Variants in ZBTB46 observed in about 807,000 individuals in gnomAD.
The protein encoded by ZBTB46 is zinc finger and BTB domain containing 46.
In ZBTB46, 8 loss-of-function variants were observed where a neutral mutation model predicts 44.1. The ratio of observed to expected loss-of-function variants is 0.18; its 90% CI spans 0.11 to 0.33. The LOEUF (loss-of-function observed/expected upper bound fraction) is 0.33, where lower values mean the gene tolerates loss of function less well. ZBTB46 is among the 10% of genes least tolerant of loss of function. The probability of loss-of-function intolerance (pLI) is 1.00; values close to 1 mark genes in which losing one functional copy is unlikely to be tolerated. For missense variants in ZBTB46, 651 were observed against 847.7 expected, an observed-to-expected ratio of 0.77 and a Z score of 2.88; for synonymous variants, 409 against 382.3, an observed-to-expected ratio of 1.07 and a Z score of -0.81.
intron 1 of ZBTB46, among the ~76,000 whole-genome samples, chr20:63,800,931 G>A (rs901103274): frequency 1.3e-5 from 2 of 152,230 alleles, no homozygotes; most frequent in African/African-American, 2.4e-5. Flanking sequence ...CACAGAGCGG[G>A]ACTGGCAGGC....
intron 3 of ZBTB46, among the ~76,000 whole-genome samples, 170 bp from the exon 4 acceptor site, chr20:63,753,031 A>C (rs375270974): frequency 1.3e-5 from 2 of 152,306 alleles, no homozygotes; most frequent in Admixed American, 6.5e-5. Flanking sequence ...CACCATCTGC[A>C]TAAATTGTCC....
intron 1 of ZBTB46, chr20:63,815,167 A>G: frequency 8.5e-6 from 2 of 236,580 alleles, no homozygotes; most frequent in East Asian, 1.4e-4. Context: ...AGCTGAAGGC[A>G]CAGGTGCAGT....
At chr20:63,774,976 T>G (rs1325998689) in intron 3 of ZBTB46, among the ~76,000 whole-genome samples, 2 of 152,178 alleles carry the variant, frequency 1.3e-5, no homozygotes, top group Admixed American at 6.5e-5. Flanking sequence ...GTGCTGGGAT[T>G]GCAGGCGTGA....
chr20:63,823,948 C>T (rs770666774), intron 1 of ZBTB46, among the ~76,000 whole-genome samples: 3 of 151,356 alleles, frequency 2.0e-5, no homozygotes, highest in Non-Finnish European at 4.4e-5. Flanking sequence ...TGAATGGGCT[C>T]CCCACAGGAC....
intron 3 of ZBTB46, among the ~76,000 whole-genome samples, chr20:63,766,695 C>T (rs1011759937): frequency 6.6e-6 from 1 of 152,206 alleles, no homozygotes; most frequent in East Asian, 1.9e-4. Context: ...TGGTAAAATG[C>T]CCCAAACCTC....
intron 4 of ZBTB46, among the ~76,000 whole-genome samples, chr20:63,750,893 C>T (rs2092154016): frequency 6.6e-6 from 1 of 151,784 alleles, no homozygotes; most frequent in Non-Finnish European, 1.5e-5. Context: ...CACAGTGAAA[C>T]CCTGTCTCAA....
intron 1 of ZBTB46, among the ~76,000 whole-genome samples, chr20:63,830,368 G>C (rs939044306): frequency 1.3e-5 from 2 of 151,734 alleles, no homozygotes; most frequent in Non-Finnish European, 2.9e-5. Flanking sequence ...GGCTCGCAGC[G>C]GACCCCGCTT....
At chr20:63,821,533 A>C (rs374741337) in intron 1 of ZBTB46, among the ~76,000 whole-genome samples, 1 of 149,490 alleles carries the variant, frequency 6.7e-6, no homozygotes, top group East Asian at 2.0e-4. Flanking sequence ...TCCACCTCCC[A>C]GGTTCAAGTG....
At chr20:63,751,539 C>T (rs1427988210) in intron 4 of ZBTB46, among the ~76,000 whole-genome samples, 1 of 152,102 alleles carries the variant, frequency 6.6e-6, no homozygotes, top group African/African-American at 2.4e-5. Flanking sequence ...CCACAGGGGT[C>T]GTTACCCCAA....
Position 63,790,476 on chromosome 20 carries a change from G to A in ZBTB46, c.282C>T (p.His94=). 1 of 1,613,528 alleles carries A rather than the reference G, an allele frequency of 6.2e-7. No individual in the cohort carries two copies. The highest frequency in any genetic ancestry group is 8.5e-7 in the Non-Finnish European group (1 of 1,179,998). ...TGACGTTCCTGCTGGTGAGCGCCAG[G>A]TGCGCTGAGTACATGAAGTCGATGA... ...KAIIDFMYSA[H]LALTSRNVIE... The change falls in exon 2 of 5, where the codon CAC becomes CAT. Residue 94 remains histidine (H), a synonymous_variant. Transcript: ENST00000245663.
chr20:63,765,761 G>C (rs1293450237), intron 3 of ZBTB46, among the ~76,000 whole-genome samples: 1 of 152,342 alleles, frequency 6.6e-6, no homozygotes, highest in Non-Finnish European at 1.5e-5. Flanking sequence ...TGTAGTTTCA[G>C]GGGAAAGAAT....
At chr20:63,831,611 G>A (rs1358210676), upstream of ZBTB46, among the ~76,000 whole-genome samples, 3 of 148,650 alleles carry the variant, frequency 2.0e-5, no homozygotes, top group Non-Finnish European at 4.5e-5. Context: ...GCGGCGCGGG[G>A]GTCCCCCTGG....
intron 2 of ZBTB46, among the ~76,000 whole-genome samples, chr20:63,780,629 C>A (rs1470957147): frequency 8.6e-5 from 13 of 151,696 alleles, no homozygotes; most frequent in Non-Finnish European, 1.8e-4. Flanking sequence ...GGTGAAACCC[C>A]GTCTCTACTA....
At chr20:63,758,730 A>G (rs1219717801) in intron 3 of ZBTB46, among the ~76,000 whole-genome samples, 1 of 99,520 alleles carries the variant, frequency 1.0e-5, no homozygotes. Flanking sequence ...AAGGAGAGTC[A>G]CATCTTTTTT....
At chr20:63,766,237 G>T (rs528091932) in intron 3 of ZBTB46, among the ~76,000 whole-genome samples, 75 of 108,498 alleles carry the variant, frequency 6.9e-4, no homozygotes, top group African/African-American at 2.7e-3. Flanking sequence ...TTTTTTGAGA[G>T]GGAGTTTCGC....
intron 3 of ZBTB46, among the ~76,000 whole-genome samples, chr20:63,765,500 C>T (rs373329097): frequency 1.3e-5 from 2 of 152,374 alleles, no homozygotes; most frequent in East Asian, 3.9e-4. Flanking sequence ...GTAATCATGG[C>T]TCACTGCAGC....
chr20:63,765,425 T>G (rs1000277065), intron 3 of ZBTB46, among the ~76,000 whole-genome samples: 1 of 152,136 alleles, frequency 6.6e-6, no homozygotes, highest in African/African-American at 2.4e-5. Flanking sequence ...GTAGGTTATG[T>G]GTGGGCGTTT....
At chr20:63,819,901 C>G (rs1340449240) in intron 1 of ZBTB46, among the ~76,000 whole-genome samples, 2 of 152,150 alleles carry the variant, frequency 1.3e-5, no homozygotes, top group African/African-American at 4.8e-5. Context: ...TCAAAACACT[C>G]CGAAGTACAG....
At chr20:63,815,983 GCAGGTGCAGTGGGCACAGGTGGGCA>G (rs1335736664) in intron 1 of ZBTB46, among the ~76,000 whole-genome samples, 3 of 135,606 alleles carry the variant, frequency 2.2e-5, no homozygotes, top group East Asian at 2.5e-4. Flanking sequence ...TACAGTGGGC[GCAGGTGCAGTGGGCACAGGTGGGCA>G]CAGGTGCAGT....
Sources: allele counts gnomAD v4.1 joint callset (sites outside exome capture counted in the v4.1 genomes callset), GRCh38; gene constraint gnomAD v4.1.1; transcripts MANE v1.5; gene names NCBI Gene and HGNC (gene_info 2026-07-23, HGNC 2026-07-21).